STXBP5: variants seen among roughly 807,000 people sequenced by gnomAD.
STXBP5 encodes the protein syntaxin binding protein 5.
Under a neutral mutation model 152.4 loss-of-function variants are expected in STXBP5, and 50 were observed. That is an observed-to-expected ratio of 0.33 (90% CI 0.26 to 0.42). The LOEUF is 0.42. STXBP5 is among the 10% of genes least tolerant of loss of function. STXBP5 has a pLI of 1.00. For synonymous variants in STXBP5, 492 were observed against 494.7 expected (o/e 0.99, Z 0.07); for missense variants, 1,167 against 1,388.6 (o/e 0.84, Z 2.54).
At chr6:147,359,035 A>C in intron 22 of STXBP5, 49 bp from the exon 23 acceptor site, 1 of 1,580,672 alleles carries the variant, frequency 6.3e-7, no homozygotes, top group East Asian at 2.3e-5. Flanking sequence ...CAACACAAAT[A>C]ACTTCTTTTA....
intron 2 of STXBP5, among the ~76,000 whole-genome samples, chr6:147,210,317 T>A (rs1776782462): frequency 6.6e-6 from 1 of 152,234 alleles, no homozygotes; most frequent in Admixed American, 6.5e-5. Flanking sequence ...TAACTTTTAT[T>A]GTATTATCAT....
Position 147,205,971 on chromosome 6 carries a change from A to G in STXBP5, c.151A>G (p.Thr51Ala). The G allele has an allele frequency of 6.2e-7, 1 of 1,613,862 alleles. No homozygotes were observed. Among genetic ancestry groups the G allele is most frequent in the Non-Finnish European group, 8.5e-7 (1 of 1,179,836 alleles). The stretch of plus-strand genomic sequence containing the variant: ...TGTGATGTCACTTGCCCATCCCTAG[A>G]CTGTTCGCCATGGATTTCCCTATCA... ...LQSEHFQLCK[T>A]VRHGFPYQPS... is the part of the protein sequence containing the mutation. The change falls in exon 2 of 28, where the codon ACT (threonine) becomes GCT (alanine). Residue 51 changes from threonine (T) to alanine (A), a missense_variant and splice_region_variant. Thr to Ala is a moderately conservative substitution (Grantham distance 58). Coordinates refer to ENST00000321680, the MANE Select transcript of STXBP5 (RefSeq NM_001127715.4).
At chr6:147,319,501 T>C (rs1469829842) in intron 16 of STXBP5, among the ~76,000 whole-genome samples, 1 of 152,196 alleles carries the variant, frequency 6.6e-6, no homozygotes, top group East Asian at 1.9e-4. Context: ...ACTTTAATAA[T>C]TTTTCTTCTG....
At chr6:147,253,132 C>G (rs935643840) in intron 4 of STXBP5, among the ~76,000 whole-genome samples, 1 of 152,130 alleles carries the variant, frequency 6.6e-6, no homozygotes, top group Non-Finnish European at 1.5e-5. Context: ...CGGCTTCATC[C>G]CTGGGATGCA....
At chr6:147,227,327 AG>A (rs770134984) in intron 2 of STXBP5, among the ~76,000 whole-genome samples, 1 of 152,156 alleles carries the variant, frequency 6.6e-6, no homozygotes, top group Non-Finnish European at 1.5e-5. Flanking sequence ...AGTATAGTGT[AG>A]TGGGGGCTGT....
chr6:147,309,489 G>T (rs1379718542), intron 9 of STXBP5, among the ~76,000 whole-genome samples: 2 of 152,108 alleles, frequency 1.3e-5, no homozygotes, highest in Non-Finnish European at 2.9e-5. Flanking sequence ...GGGAAAATTA[G>T]TTATAACAGA....
chr6:147,314,114 T>A, intron 12 of STXBP5, 83 bp downstream of exon 12: 1 of 1,500,332 alleles, frequency 6.7e-7, no homozygotes, highest in South Asian at 1.2e-5. Flanking sequence ...GATAACATTA[T>A]ACCTTTTCTA....
intron 22 of STXBP5, among the ~76,000 whole-genome samples, 200 bp from the exon 23 acceptor site, chr6:147,358,884 G>A (rs1398487051): frequency 2.0e-5 from 3 of 152,106 alleles, no homozygotes; most frequent in Admixed American, 6.6e-5. Context: ...AGCAGAGGTG[G>A]AGGAAAATCC....
intron 14 of STXBP5, among the ~76,000 whole-genome samples, chr6:147,315,179 A>G (rs975534343): frequency 4.6e-5 from 7 of 152,160 alleles, no homozygotes; most frequent in Non-Finnish European, 1.0e-4. Context: ...GATACATAGA[A>G]AATCATTTTA....
intron 25 of STXBP5, among the ~76,000 whole-genome samples, chr6:147,369,116 A>G (rs1332839116): frequency 6.6e-5 from 10 of 152,060 alleles, no homozygotes; most frequent in Non-Finnish European, 1.5e-5. Flanking sequence ...AGAGAATGGT[A>G]TTTTTGGCAT....
At chr6:147,329,780 C>T (rs572597558) in intron 18 of STXBP5, among the ~76,000 whole-genome samples, 3 of 152,022 alleles carry the variant, frequency 2.0e-5, no homozygotes, top group African/African-American at 7.2e-5. Context: ...CGCCCGCTAC[C>T]GCACCCGGCT....
intron 26 of STXBP5, among the ~76,000 whole-genome samples, chr6:147,380,211 A>C: frequency 7.2e-6 from 1 of 138,092 alleles, no homozygotes; most frequent in African/African-American, 3.0e-5. Context: ...CACACACACA[A>C]ATATTGAAAA....
intron 16 of STXBP5, among the ~76,000 whole-genome samples, chr6:147,317,916 C>T (rs1389607679): frequency 6.6e-6 from 1 of 152,124 alleles, no homozygotes. Context: ...ATTTTTATGA[C>T]ATACGTAGTA....
chr6:147,342,081 C>G (rs926403750), intron 21 of STXBP5, among the ~76,000 whole-genome samples: 1 of 152,082 alleles, frequency 6.6e-6, no homozygotes, highest in Non-Finnish European at 1.5e-5. Context: ...ATACAATTTA[C>G]AGAAAACTAA....
chr6:147,359,374 G>T (rs762340405), intron 23 of STXBP5, 51 bp downstream of exon 23: 28 of 1,552,630 alleles, frequency 1.8e-5, no homozygotes, highest in Non-Finnish European at 2.4e-5. Flanking sequence ...GATTTACTAT[G>T]ATAGAAGCCT....
chr6:147,286,285 C>T (rs1441748741), intron 8 of STXBP5, among the ~76,000 whole-genome samples: 1 of 152,088 alleles, frequency 6.6e-6, no homozygotes, highest in Non-Finnish European at 1.5e-5. Flanking sequence ...CCCTGTACAA[C>T]CATTTCTTCA....
intron 4 of STXBP5, among the ~76,000 whole-genome samples, chr6:147,256,902 ATTACT>A (rs1429375907): frequency 2.0e-5 from 3 of 152,166 alleles, no homozygotes; most frequent in South Asian, 2.1e-4. Flanking sequence ...TAATTTCAAC[ATTACT>A]TAGGAAGCTG....
intron 9 of STXBP5, among the ~76,000 whole-genome samples, chr6:147,306,409 G>A (rs920820197): frequency 6.6e-6 from 1 of 152,242 alleles, no homozygotes; most frequent in African/African-American, 2.4e-5. Flanking sequence ...TTTCTCTGAG[G>A]AGGTGATGAT....
At chr6:147,247,355 A>G (rs1778859641) in intron 4 of STXBP5, among the ~76,000 whole-genome samples, 2 of 152,346 alleles carry the variant, frequency 1.3e-5, no homozygotes, top group South Asian at 2.1e-4. Context: ...GCATGAAATG[A>G]TGCCCAATCC....
Sources: allele counts gnomAD v4.1 joint callset (sites outside exome capture counted in the v4.1 genomes callset), GRCh38; gene constraint gnomAD v4.1.1; transcripts MANE v1.5; gene names NCBI Gene and HGNC (gene_info 2026-07-23, HGNC 2026-07-21).